Variants in BAZ1A observed in about 807,000 individuals in gnomAD.
BAZ1A encodes the protein bromodomain adjacent to zinc finger domain protein 1A.
A neutral mutation model predicts 185.2 loss-of-function variants in BAZ1A; 50 were observed. The observed-to-expected ratio is 0.27, with a 90% CI of 0.22 to 0.34. BAZ1A has a LOEUF of 0.34. Ranked by LOEUF, BAZ1A falls within the 10% of genes least tolerant of loss-of-function variation. BAZ1A has a pLI of 1.00. For synonymous variants in BAZ1A, 571 were observed against 615.6 expected (o/e 0.93, Z 1.07); for missense variants, 1,356 against 1,839.9 (o/e 0.74, Z 4.81).
rs150524823 is a variant in BAZ1A, at chr14:34,771,957, C to CTT, written c.3153-300_3153-299dup. 6.2e-3 allele frequency among the ~76,000 whole-genome samples: 928 copies of CTT among 150,376 alleles called. 15 individuals are homozygous for CTT. Among genetic ancestry groups the CTT allele is most frequent in the African/African-American group, 0.022 (895 of 41,024 alleles). On this transcript the variant is annotated intron_variant, in intron 20 of 26. Coordinates refer to ENST00000360310, the MANE Select transcript of BAZ1A (RefSeq NM_013448.3). Reference sequence around the variant, plus strand: ...TTATCTCTATTTCTCTTGTTTTGCCCTTTTTTTTTGCTTTTTTGAGACAGT... The same window carrying CTT: ...TTATCTCTATTTCTCTTGTTTTGCCCTTTTTTTTTTTGCTTTTTTGAGACAGT...
intron 3 of BAZ1A, among the ~76,000 whole-genome samples, chr14:34,843,304 C>A (rs1218594208): frequency 6.6e-6 from 1 of 152,188 alleles, no homozygotes; most frequent in Non-Finnish European, 1.5e-5. Context: ...ACTCATGTGA[C>A]TTCCTTTGGC....
chr14:34,757,844 T>A (rs1886329362), intron 25 of BAZ1A, among the ~76,000 whole-genome samples: 4 of 149,682 alleles, frequency 2.7e-5, no homozygotes, highest in Admixed American at 2.7e-4. Context: ...CCTCCCGGGT[T>A]CAAGTAATTC....
chr14:34,791,771 T>C (rs950829050), intron 12 of BAZ1A, among the ~76,000 whole-genome samples: 1 of 152,258 alleles, frequency 6.6e-6, no homozygotes, highest in Non-Finnish European at 1.5e-5. Flanking sequence ...ATCTCATATA[T>C]GGCAAAGCTC....
intron 16 of BAZ1A, among the ~76,000 whole-genome samples, chr14:34,782,697 T>C (rs1486983178): frequency 6.6e-6 from 1 of 152,230 alleles, no homozygotes; most frequent in Non-Finnish European, 1.5e-5. Context: ...GAACTTTCCT[T>C]TGCAGATTTC....
intron 6 of BAZ1A, among the ~76,000 whole-genome samples, chr14:34,805,801 T>G (rs1881823724): frequency 6.6e-6 from 1 of 152,180 alleles, no homozygotes; most frequent in Non-Finnish European, 1.5e-5. Context: ...GGTGCTTATG[T>G]TTCTCTAGTT....
At position 34,862,986 on chromosome 14, in the gene BAZ1A, CTCT is replaced by C. The variant is rs1342457262; in HGVS notation, c.114-667_114-665del. ...TATTTTCAAAAACTCTATCCACTCT[CTCT>C]TTTTTTTTTTTTTTTTTGAGACGGA... On this transcript the variant is annotated intron_variant, in intron 2 of 26. Coordinates refer to ENST00000360310, the MANE Select transcript of BAZ1A (RefSeq NM_013448.3). Among the ~76,000 whole-genome samples the C allele has an allele frequency of 9.6e-3, 1,158 of 120,116 alleles. 15 individuals carry two copies. Among genetic ancestry groups the C allele is most frequent in the African/African-American group, 0.031 (1,111 of 35,760 alleles). 78.8% of individuals were successfully genotyped at this position (120,116 alleles called of 152,430 possible).
intron 3 of BAZ1A, among the ~76,000 whole-genome samples, chr14:34,844,375 A>C (rs926564195): frequency 6.6e-6 from 1 of 152,202 alleles, no homozygotes; most frequent in Non-Finnish European, 1.5e-5. Context: ...AAAGAAATTG[A>C]AGACACAAAT....
intron 17 of BAZ1A, 132 bp downstream of exon 17, chr14:34,780,053 AT>A: frequency 8.3e-7 from 1 of 1,202,944 alleles, no homozygotes; most frequent in East Asian, 2.4e-5. Flanking sequence ...TGAGGTGGGC[AT>A]TTAAAAAAAC....
At chr14:34,854,839 G>C (rs1328781602) in intron 3 of BAZ1A, among the ~76,000 whole-genome samples, 1 of 152,148 alleles carries the variant, frequency 6.6e-6, no homozygotes, top group Non-Finnish European at 1.5e-5. Context: ...CAGCACTTTG[G>C]GAGGCTGAGG....
rs577085501 is a variant in BAZ1A, at chr14:34,817,247, T to C, written c.537-6211A>G. Among the ~76,000 whole-genome samples the C allele has an allele frequency of 1.9e-4, 28 of 151,328 alleles. No individual in the cohort carries two copies. The South Asian group carries it at 3.8e-3, about 21-fold the overall frequency. ...ATCAATACACCCCCCCCCAAATATA[T>C]CAAGATATTTTTAAAACTCTGGTGG... On this transcript the variant is annotated intron_variant, in intron 4 of 26. Coordinates refer to ENST00000360310, the MANE Select transcript of BAZ1A (RefSeq NM_013448.3).
chr14:34,819,820 T>A (rs894086718), intron 4 of BAZ1A, among the ~76,000 whole-genome samples: 16 of 152,198 alleles, frequency 1.1e-4, no homozygotes, highest in African/African-American at 3.1e-4. Context: ...CATATAAAAG[T>A]ATGTTTGGTA....
intron 18 of BAZ1A, 66 bp downstream of exon 18, chr14:34,775,853 A>T: frequency 7.5e-7 from 1 of 1,338,884 alleles, no homozygotes; most frequent in Non-Finnish European, 1.0e-6. Flanking sequence ...AAAAACGCTT[A>T]ATCCTGAATG....
rs143642691 is a variant in BAZ1A, at chr14:34,863,523, G to C, written c.114-1201C>G. ...GGGTTTCCTCATGTTGGCCAGGCTG[G>C]TCTCGAACTCTTGACCTTGTGATCC... On this transcript the variant is annotated intron_variant, in intron 2 of 26. Transcript: ENST00000360310. Among the ~76,000 whole-genome samples the C allele has an allele frequency of 7.2e-3, 1,090 of 151,314 alleles. 13 individuals carry two copies. The highest frequency in any genetic ancestry group is 0.025 in the African/African-American group (1,022 of 41,248).
At chr14:34,847,834 A>G (rs2042538630) in intron 3 of BAZ1A, among the ~76,000 whole-genome samples, 1 of 151,978 alleles carries the variant, frequency 6.6e-6, no homozygotes, top group South Asian at 2.1e-4. Context: ...AGTACTTAAC[A>G]CTCTGTATCA....
intron 12 of BAZ1A, among the ~76,000 whole-genome samples, chr14:34,788,316 C>CT (rs1880623260): frequency 6.7e-6 from 1 of 150,312 alleles, no homozygotes; most frequent in South Asian, 2.1e-4. Context: ...TTTTCTTTTT[C>CT]TTTTTGAGAC....
chr14:34,778,855 T>C (rs1879844673), intron 17 of BAZ1A, among the ~76,000 whole-genome samples: 1 of 152,122 alleles, frequency 6.6e-6, no homozygotes, highest in African/African-American at 2.4e-5. Flanking sequence ...CTTTACTATA[T>C]TTTTATTTTA....
chr14:34,777,592 C>A (rs1879725021), intron 17 of BAZ1A, among the ~76,000 whole-genome samples: 1 of 143,194 alleles, frequency 7.0e-6, no homozygotes. Flanking sequence ...TGCAGTGGGC[C>A]AAGATCACGC....
intron 5 of BAZ1A, 52 bp downstream of exon 5, chr14:34,810,883 C>T (rs767641292): frequency 4.6e-5 from 60 of 1,294,428 alleles, no homozygotes; most frequent in Non-Finnish European, 6.0e-5. Flanking sequence ...CTTAATCTAA[C>T]ATACATAATT....
rs757510822 is a variant in BAZ1A at position 34,753,534 on chromosome 14, G to C, written c.4645C>G (p.Pro1549Ala). The C allele has an allele frequency of 2.5e-6, 4 of 1,614,020 alleles. No individual in the cohort carries two copies. The highest frequency in any genetic ancestry group is 3.4e-6 in the Non-Finnish European group (4 of 1,179,984). Residue 1549 changes from proline to alanine, a missense_variant, in exon 27 of 27, where the codon CCG (proline) becomes GCG (alanine). Pro to Ala is a conservative substitution (Grantham distance 27, BLOSUM62 -1). Coordinates refer to ENST00000360310, the MANE Select transcript of BAZ1A (RefSeq NM_013448.3). ...CAGATTCGTGACTTTTTCGCAGCCGGTGGTGTGCTAACTTGGTCCACATTA... is the reference window on the plus strand; with the variant it reads ...CAGATTCGTGACTTTTTCGCAGCCGCTGGTGTGCTAACTTGGTCCACATTA... ...PSNVDQVSTP[P>A]AAKKSRI
Sources: gnomAD v4.1 joint callset for allele counts (sites outside exome capture counted in the v4.1 genomes callset) on GRCh38, gnomAD v4.1.1 for gene constraint, MANE v1.5 for transcripts, NCBI Gene and HGNC (gene_info 2026-07-23, HGNC 2026-07-21) for gene names.